The following NCOA2 variants were observed in gnomAD, a reference collection of about 807,000 sequenced individuals.
NCOA2 encodes the protein class E basic helix-loop-helix protein 75.
NCOA2 carries 21 observed loss-of-function variants against 145.1 expected under a neutral mutation model. The ratio of observed to expected loss-of-function variants is 0.14; its 90% CI spans 0.10 to 0.21. The LOEUF is 0.21. Among genes scored for constraint, NCOA2 ranks in the 10% least tolerant of loss-of-function variants. NCOA2 has a pLI of 1.00. For synonymous variants in NCOA2, 619 were observed against 637.5 expected (o/e 0.97, Z 0.44); for missense variants, 1,472 against 1,837.6 (o/e 0.80, Z 3.64).
rs555123451 is a variant in NCOA2, at chr8:70,234,741, T to C, written c.-19-17977A>G. On this transcript the variant is annotated intron_variant, in intron 2 of 22. Coordinates refer to ENST00000452400, the MANE Select transcript of NCOA2 (RefSeq NM_006540.4). The stretch of plus-strand genomic sequence containing the variant: ...TCTGGTCAGTGATTCTTAACAGCTT[T>C]TGGGGTTATGAACCTCTCTGAGTAC... Among the ~76,000 whole-genome samples the C allele has an allele frequency of 8.8e-4, 134 of 152,336 alleles. 1 individual carries two copies. Among genetic ancestry groups the C allele is most frequent in the African/African-American group, 3.1e-3 (129 of 41,584 alleles).
intron 4 of NCOA2, among the ~76,000 whole-genome samples, chr8:70,208,385 G>A (rs1485986518): frequency 2.0e-5 from 3 of 152,204 alleles, no homozygotes; most frequent in Non-Finnish European, 4.4e-5. Flanking sequence ...AAAATATAAG[G>A]TGAAGCAGCA....
intron 2 of NCOA2, among the ~76,000 whole-genome samples, chr8:70,254,609 C>T (rs1425506081): frequency 2.3e-5 from 3 of 130,784 alleles, no homozygotes; most frequent in Non-Finnish European, 4.6e-5. Flanking sequence ...CACAAAAAGA[C>T]AAAGATTGTA....
intron 15 of NCOA2, 111 bp downstream of exon 15, chr8:70,138,092 T>C: frequency 1.7e-6 from 2 of 1,190,056 alleles, no homozygotes; most frequent in Non-Finnish European, 2.3e-6. Flanking sequence ...GCACAGTAGA[T>C]AATATAGTAC....
At chr8:70,379,147 C>T (rs995068187) in intron 1 of NCOA2, among the ~76,000 whole-genome samples, 2 of 152,114 alleles carry the variant, frequency 1.3e-5, no homozygotes, top group Non-Finnish European at 2.9e-5. Context: ...GGTAATTTTT[C>T]CTTATTTTAG....
intron 2 of NCOA2, among the ~76,000 whole-genome samples, chr8:70,281,913 C>T (rs1825914499): frequency 6.6e-6 from 1 of 152,134 alleles, no homozygotes; most frequent in Non-Finnish European, 1.5e-5. Context: ...TTATTCAAAG[C>T]CTTCCTAAAA....
At chr8:70,216,367 AG>A (rs1353192749) in intron 3 of NCOA2, among the ~76,000 whole-genome samples, 1 of 152,216 alleles carries the variant, frequency 6.6e-6, no homozygotes, top group Non-Finnish European at 1.5e-5. Flanking sequence ...TTTTTACTAT[AG>A]GATCTTCTTG....
intron 3 of NCOA2, 69 bp from the exon 4 acceptor site, chr8:70,214,144 A>T (rs529217981): frequency 2.1e-6 from 3 of 1,428,130 alleles, no homozygotes; most frequent in African/African-American, 2.9e-5. Context: ...TGAACGTGTT[A>T]AACAAGTTTA....
chr8:70,390,194 C>T (rs1379587981), intron 1 of NCOA2, among the ~76,000 whole-genome samples: 6 of 152,008 alleles, frequency 3.9e-5, no homozygotes, highest in Non-Finnish European at 8.8e-5. Context: ...ATTTTCTATC[C>T]TGGGGTTGGG....
intron 1 of NCOA2, among the ~76,000 whole-genome samples, chr8:70,339,094 T>G (rs2169221): frequency 0.24 from 37,070 of 151,808 alleles, 5,683 homozygotes; most frequent in East Asian, 0.57. Context: ...GGGCAATCAG[T>G]CAAGAGAAAG....
At chr8:70,174,938 G>T (rs1814658658) in intron 4 of NCOA2, 79 bp from the exon 5 acceptor site, 1 of 1,333,912 alleles carries the variant, frequency 7.5e-7, no homozygotes, top group Non-Finnish European at 1.1e-6. Flanking sequence ...TTACTGTAAT[G>T]ATTTTTAAAA....
rs114162756 is a variant in NCOA2, at chr8:70,188,204, G to A, written c.260-13345C>T. ...AATTCACCTGCTTCTCAAATAAACTGAATACTGTCTTAGATTTGCTTTTTC... is the reference window on the plus strand; with the variant it reads ...AATTCACCTGCTTCTCAAATAAACTAAATACTGTCTTAGATTTGCTTTTTC... On this transcript the variant is annotated intron_variant, in intron 4 of 22. Coordinates refer to ENST00000452400, the MANE Select transcript of NCOA2 (RefSeq NM_006540.4). Among the ~76,000 whole-genome samples the A allele has an allele frequency of 5.9e-3, 897 of 152,282 alleles. 5 individuals carry two copies. Among genetic ancestry groups the A allele is most frequent in the African/African-American group, 0.02 (835 of 41,556 alleles).
chr8:70,176,347 G>A (rs572833807), intron 4 of NCOA2, among the ~76,000 whole-genome samples: 83 of 152,262 alleles, frequency 5.5e-4, no homozygotes, highest in Non-Finnish European at 9.4e-4. Flanking sequence ...ATAGAGATAT[G>A]ACTTGTCTGG....
intron 2 of NCOA2, among the ~76,000 whole-genome samples, chr8:70,280,867 G>A (rs911830208): frequency 1.3e-5 from 2 of 151,848 alleles, no homozygotes; most frequent in South Asian, 2.1e-4. Flanking sequence ...GCATAACATC[G>A]TTGAGGGCTT....
chr8:70,410,754 A>G, the NCOA2 span, among the ~76,000 whole-genome samples: 1 of 152,256 alleles, frequency 6.6e-6, no homozygotes, highest in Non-Finnish European at 1.5e-5. Flanking sequence ...GAAATATGCA[A>G]TAACATGAAT....
chr8:70,145,549 T>C (rs1415002845), intron 12 of NCOA2, among the ~76,000 whole-genome samples: 4 of 151,930 alleles, frequency 2.6e-5, no homozygotes, highest in African/African-American at 9.7e-5. Flanking sequence ...TCTCGATCTC[T>C]TGACCGTGTG....
At position 70,147,809 on chromosome 8, in the gene NCOA2, A is replaced by AT. The variant is rs1215142137; in HGVS notation, c.2605+463dup. Reference sequence around the variant, plus strand: ...AATACTTTTAGTAGAATATTTTATTATTTTTTTTTAAATTTATTTTTTGTT... The same window carrying AT: ...AATACTTTTAGTAGAATATTTTATTATTTTTTTTTTAAATTTATTTTTTGTT... On this transcript the variant is annotated intron_variant, in intron 12 of 22. Coordinates refer to ENST00000452400, the MANE Select transcript of NCOA2 (RefSeq NM_006540.4). 3.2e-3 allele frequency among the ~76,000 whole-genome samples: 478 copies of AT among 151,712 alleles called. 5 individuals carry two copies. Among genetic ancestry groups the AT allele is most frequent in the African/African-American group, 0.011 (461 of 41,356 alleles).
At position 70,324,867 on chromosome 8, in the gene NCOA2, T is replaced by A. The variant is rs79529238; in HGVS notation, c.-76-28067A>T. ...AAGTTATCATTCACTCTGATCTTTT[T>A]AAATTTTCCTTTTTATGTTTACTTT... is the stretch of plus-strand genomic sequence containing the variant. On this transcript the variant is annotated intron_variant, in intron 1 of 22. Transcript: ENST00000452400. 5.9e-3 allele frequency among the ~76,000 whole-genome samples: 897 copies of A among 152,312 alleles called. 5 individuals are homozygous for A. Among genetic ancestry groups the A allele is most frequent in the African/African-American group, 0.02 (837 of 41,566 alleles).
chr8:70,131,815 C>G lies in NCOA2; in HGVS notation c.3324+22G>C, dbSNP rs367817536. ...CGCCCATGAGAGCGCTTGGCCCCCA[C>G]CTGCTGCCCTTCCGCGCATACCTGG... On this transcript the variant is annotated intron_variant, in intron 16 of 22. Transcript: ENST00000452400. 5.5e-5 allele frequency: 86 copies of G among 1,570,398 alleles called. No homozygotes were observed. The African/African-American group carries it at 8.9e-4, about 16-fold the overall frequency.
intron 2 of NCOA2, among the ~76,000 whole-genome samples, chr8:70,242,173 T>C (rs1250420671): frequency 2.0e-5 from 3 of 152,166 alleles, no homozygotes; most frequent in Admixed American, 6.6e-5. Flanking sequence ...CAATTTACTA[T>C]TGTAATTGGA....
Sources: allele counts gnomAD v4.1 joint callset (sites outside exome capture counted in the v4.1 genomes callset), GRCh38; gene constraint gnomAD v4.1.1; transcripts MANE v1.5; gene names NCBI Gene and HGNC (gene_info 2026-07-23, HGNC 2026-07-21).